SULT4A1: variants seen among roughly 807,000 people sequenced by gnomAD.
SULT4A1 encodes the protein sulfotransferase 4A1.
In SULT4A1, 11 loss-of-function variants were observed where a neutral mutation model predicts 35.2. The ratio of observed to expected loss-of-function variants is 0.31; its 90% confidence interval spans 0.20 to 0.52. SULT4A1 has a LOEUF of 0.52. Ranked by LOEUF, SULT4A1 falls within the 20% of genes least tolerant of loss-of-function variation. SULT4A1 has a pLI of 0.97. For synonymous variants in SULT4A1, 152 were observed against 151.8 expected (o/e 1.00, Z -0.01); for missense variants, 271 against 383.7 (o/e 0.71, Z 2.45).
intron 1 of SULT4A1, among the ~76,000 whole-genome samples, chr22:43,848,638 G>A (rs2063491467): frequency 1.3e-5 from 2 of 152,242 alleles, no homozygotes; most frequent in Middle Eastern, 3.2e-3. Context: ...AGGAGTGAGA[G>A]GTGGAGGAGT....
chr22:43,841,297 G>A (rs569890800), intron 2 of SULT4A1, among the ~76,000 whole-genome samples: 6 of 152,322 alleles, frequency 3.9e-5, no homozygotes, highest in African/African-American at 1.4e-4. Context: ...TCCAGAGGGA[G>A]GAGGACAGGT....
Position 43,825,759 on chromosome 22 carries a change from T to C in SULT4A1, c.*242A>G. ...GCTTTATCCTTACGGTCCAGGCCAT[T>C]GGAACTGCAATGTGGAGACTGTTTG... On this transcript the variant is annotated 3_prime_UTR_variant, in exon 7 of 7. Coordinates refer to ENST00000330884, the MANE Select transcript of SULT4A1 (RefSeq NM_014351.4). 2 of 460,372 alleles carry C rather than the reference T, an allele frequency of 4.3e-6. No individual in the cohort carries two copies. Among genetic ancestry groups the C allele is most frequent in the South Asian group, 2.8e-5 (1 of 36,260 alleles). 28.5% of individuals were successfully genotyped at this position (460,372 alleles called of 1,614,324 possible).
At chr22:43,838,065 C>T (rs558641800) in intron 4 of SULT4A1, among the ~76,000 whole-genome samples, 85 of 152,376 alleles carry the variant, frequency 5.6e-4, no homozygotes, top group Non-Finnish European at 9.3e-4. Context: ...GTCCCAGGAC[C>T]TCCCAAAGCC....
chr22:43,828,514 T>A (rs1659701443), intron 6 of SULT4A1, among the ~76,000 whole-genome samples: 1 of 152,206 alleles, frequency 6.6e-6, no homozygotes, highest in Non-Finnish European at 1.5e-5. Flanking sequence ...TCTGCTTAAG[T>A]TCACCACCCC....
At chr22:43,842,178 G>C (rs1035340131) in intron 1 of SULT4A1, among the ~76,000 whole-genome samples, 1 of 152,206 alleles carries the variant, frequency 6.6e-6, no homozygotes, top group South Asian at 2.1e-4. Flanking sequence ...TAGGAGAACA[G>C]AACAGAACAG....
At chr22:43,841,997 G>A in intron 1 of SULT4A1, 65 bp from the exon 2 acceptor site, 1 of 1,556,906 alleles carries the variant, frequency 6.4e-7, no homozygotes, top group Non-Finnish European at 8.7e-7. Context: ...CCTGTGCTCG[G>A]GTCAACACCT....
chr22:43,850,736 T>C (rs1260217078), intron 1 of SULT4A1, among the ~76,000 whole-genome samples: 2 of 152,172 alleles, frequency 1.3e-5, no homozygotes, highest in South Asian at 2.1e-4. Context: ...TTCCTGGGCA[T>C]GTGAGACTGA....
intron 4 of SULT4A1, among the ~76,000 whole-genome samples, chr22:43,836,090 G>T (rs1374090394): frequency 6.6e-6 from 1 of 152,272 alleles, no homozygotes; most frequent in Non-Finnish European, 1.5e-5. Context: ...GAGAAGACAC[G>T]GTCACAGAGG....
At chr22:43,849,857 A>T (rs2063499754) in intron 1 of SULT4A1, among the ~76,000 whole-genome samples, 1 of 152,172 alleles carries the variant, frequency 6.6e-6, no homozygotes, top group Non-Finnish European at 1.5e-5. Flanking sequence ...GGTAACACTT[A>T]AGCCCCGACA....
In SULT4A1 at chr22:43,839,948, G is replaced by A; in HGVS notation, c.378C>T (p.Ser126=). The part of the protein sequence containing the change: ...FLPSDLHNGD[S]KVIYMARNPK... ...GGCAGAGGAGGTGCCAGCTTACCTT[G>A]GAGTCTCCATTGTGGAGGTCAGAGG... Residue 126 remains serine (S), a synonymous_variant, in exon 3 of 7, where the codon TCC becomes TCT. Coordinates refer to ENST00000330884, the MANE Select transcript of SULT4A1 (RefSeq NM_014351.4). 1 of 1,606,678 alleles carries A rather than the reference G, an allele frequency of 6.2e-7. No homozygotes were observed. The highest frequency in any genetic ancestry group is 8.5e-7 in the Non-Finnish European group (1 of 1,176,896).
At chr22:43,859,180 A>G (rs779460956) in intron 1 of SULT4A1, among the ~76,000 whole-genome samples, 2 of 152,132 alleles carry the variant, frequency 1.3e-5, no homozygotes, top group African/African-American at 4.8e-5. Flanking sequence ...CCTGCACACC[A>G]TGAGTCTCCC....
chr22:43,853,503 G>GC (rs1306135088), intron 1 of SULT4A1, among the ~76,000 whole-genome samples: 2 of 152,220 alleles, frequency 1.3e-5, no homozygotes, highest in African/African-American at 4.8e-5. Context: ...CACTGGCCGT[G>GC]CCTCCCTCCT....
chr22:43,837,741 A>G (rs2063388985), intron 4 of SULT4A1, among the ~76,000 whole-genome samples: 1 of 152,182 alleles, frequency 6.6e-6, no homozygotes, highest in Non-Finnish European at 1.5e-5. Context: ...CGCCCCGCCA[A>G]GAGGTCCCCT....
intron 1 of SULT4A1, among the ~76,000 whole-genome samples, chr22:43,849,102 A>T (rs2063494535): frequency 6.6e-6 from 1 of 152,138 alleles, no homozygotes; most frequent in African/African-American, 2.4e-5. Flanking sequence ...CTGGGGTGGA[A>T]CTCCCCAGGA....
rs2063278984 is a variant in SULT4A1 at position 43,825,282 on chromosome 22, C to T, written c.*719G>A. On this transcript the variant is annotated 3_prime_UTR_variant, in exon 7 of 7. Transcript: ENST00000330884. Reference sequence around the variant, plus strand: ...GCATTAGACTCCCACCTGCCAGCCTCACCAGGCAGACTTCCCTCAGCACAT... The same window carrying T: ...GCATTAGACTCCCACCTGCCAGCCTTACCAGGCAGACTTCCCTCAGCACAT... 1 of 152,290 alleles carries T rather than the reference C, an allele frequency of 6.6e-6. No homozygotes were observed. The highest frequency in any genetic ancestry group is 1.5e-5 in the Non-Finnish European group (1 of 68,064). The allele number at this position is 152,290 out of a possible 1,614,324, so 9.4% of individuals were successfully genotyped here. A position where few individuals can be genotyped will look rare whatever the true frequency, so the allele number is the denominator to read the frequency against.
chr22:43,831,760 G>C (rs1328741136), intron 5 of SULT4A1, among the ~76,000 whole-genome samples: 1 of 152,264 alleles, frequency 6.6e-6, no homozygotes, highest in East Asian at 1.9e-4. Flanking sequence ...TCCGGTGAGG[G>C]AGATGAAACC....
At chr22:43,833,482 A>C in intron 5 of SULT4A1, among the ~76,000 whole-genome samples, 158 bp downstream of exon 5, 1 of 145,832 alleles carries the variant, frequency 6.9e-6, no homozygotes, top group Non-Finnish European at 1.5e-5. Flanking sequence ...CACACCCCCA[A>C]GCCCCCTTCC....
At chr22:43,854,872 A>G (rs1163782559) in intron 1 of SULT4A1, among the ~76,000 whole-genome samples, 1 of 152,148 alleles carries the variant, frequency 6.6e-6, no homozygotes, top group Non-Finnish European at 1.5e-5. Context: ...CCCACTCTCT[A>G]GTACGAAAGC....
At chr22:43,853,201 T>TAC (rs1318653212) in intron 1 of SULT4A1, among the ~76,000 whole-genome samples, 6 of 150,910 alleles carry the variant, frequency 4.0e-5, no homozygotes, top group Non-Finnish European at 8.9e-5. Context: ...CCACACACAC[T>TAC]ACACACACAC....
Sources: gnomAD v4.1 joint callset for allele counts (sites outside exome capture counted in the v4.1 genomes callset) on GRCh38, gnomAD v4.1.1 for gene constraint, MANE v1.5 for transcripts, NCBI Gene and HGNC (gene_info 2026-07-23, HGNC 2026-07-21) for gene names.